Variants in IPCEF1 observed in about 807,000 individuals in gnomAD.
The protein encoded by IPCEF1 is interaction protein for cytohesin exchange factors 1.
A neutral mutation model predicts 50.9 loss-of-function variants in IPCEF1; 31 were observed. That is an observed-to-expected ratio of 0.61 (90% CI 0.46 to 0.82). The LOEUF (loss-of-function observed/expected upper bound fraction) is 0.82. Among genes scored for constraint, IPCEF1 ranks in the 40% least tolerant of loss-of-function variants. IPCEF1 has a pLI of 0.00. For synonymous variants in IPCEF1, 181 were observed against 192.0 expected (o/e 0.94, Z 0.47); for missense variants, 458 against 514.0 (o/e 0.89, Z 1.05).
rs1798687579 is a variant in IPCEF1, at chr6:154,155,762, CAG to C, written c.*4064_*4065del. Reference sequence around the variant, plus strand: ...TGCCACTGCACTCCAGCCTGGGCAACAGAGCAAGACTCTGTCTAAAAAAAGAA... The same window carrying C: ...TGCCACTGCACTCCAGCCTGGGCAACAGCAAGACTCTGTCTAAAAAAAGAA... On this transcript the variant is annotated 3_prime_UTR_variant, in exon 12 of 12. Coordinates refer to ENST00000367220, the MANE Select transcript of IPCEF1 (RefSeq NM_001130700.2). 1 of 151,890 alleles carries C rather than the reference CAG, an allele frequency of 6.6e-6. No homozygotes were observed. Among genetic ancestry groups the C allele is most frequent in the East Asian group, 1.9e-4 (1 of 5,194 alleles). The allele number at this position is 151,890 out of a possible 1,614,324, so 9.4% of individuals were successfully genotyped here.
chr6:154,311,271 C>T (rs1783072351), intron 1 of IPCEF1, among the ~76,000 whole-genome samples: 1 of 152,196 alleles, frequency 6.6e-6, no homozygotes, highest in South Asian at 2.1e-4. Flanking sequence ...CATCCTAATA[C>T]TCTTTTTCTC....
intron 3 of IPCEF1, among the ~76,000 whole-genome samples, chr6:154,261,201 T>C (rs138930481): frequency 1.4e-4 from 21 of 152,206 alleles, no homozygotes; most frequent in African/African-American, 5.1e-4. Flanking sequence ...CGCCTGGCTA[T>C]TTTTTGTAAA....
intron 10 of IPCEF1, among the ~76,000 whole-genome samples, chr6:154,191,786 T>C (rs916214641): frequency 1.6e-4 from 24 of 152,114 alleles, no homozygotes; most frequent in African/African-American, 4.6e-4. Context: ...TTGTAACAAA[T>C]GAACCATACT....
chr6:154,253,997 G>A (rs1270528935), intron 3 of IPCEF1, among the ~76,000 whole-genome samples: 1 of 151,756 alleles, frequency 6.6e-6, no homozygotes, highest in Non-Finnish European at 1.5e-5. Context: ...ACATTTACTG[G>A]GAATTTTGCT....
intron 5 of IPCEF1, among the ~76,000 whole-genome samples, chr6:154,238,930 T>TAA (rs945093954): frequency 1.2e-4 from 17 of 147,436 alleles, no homozygotes; most frequent in Middle Eastern, 6.9e-3. Flanking sequence ...TTGTTTTTTT[T>TAA]AAAAAAAAAA....
intron 10 of IPCEF1, among the ~76,000 whole-genome samples, chr6:154,178,488 G>A (rs1406004154): frequency 1.3e-5 from 2 of 151,742 alleles, no homozygotes; most frequent in Admixed American, 6.6e-5. Flanking sequence ...TAAAAATATC[G>A]AAGGGTATCT....
chr6:154,179,612 C>G (rs975146496), intron 10 of IPCEF1, among the ~76,000 whole-genome samples: 4 of 152,216 alleles, frequency 2.6e-5, no homozygotes, highest in Non-Finnish European at 5.9e-5. Flanking sequence ...CTACATAAAA[C>G]AGCAGGACTT....
intron 2 of IPCEF1, among the ~76,000 whole-genome samples, chr6:154,282,623 C>T (rs1183128960): frequency 3.9e-5 from 6 of 151,928 alleles, no homozygotes; most frequent in Non-Finnish European, 2.9e-5. Context: ...GGAGGCAGAG[C>T]TTGCAGTGAG....
At chr6:154,220,590 C>A (rs142020349) in intron 7 of IPCEF1, among the ~76,000 whole-genome samples, 1 of 152,054 alleles carries the variant, frequency 6.6e-6, no homozygotes, top group East Asian at 1.9e-4. Context: ...TGCAGTGAGC[C>A]GAGATCGCAC....
At chr6:154,180,412 ATATT>A (rs1195706106) in intron 10 of IPCEF1, among the ~76,000 whole-genome samples, 1,071 of 50,782 alleles carry the variant, frequency 0.021, 8 homozygotes, top group Non-Finnish European at 0.03. Context: ...ATATATATAT[ATATT>A]TTTTTTTTAA....
At chr6:154,350,220 T>C in intron 1 of IPCEF1, among the ~76,000 whole-genome samples, 1 of 152,230 alleles carries the variant, frequency 6.6e-6, no homozygotes, top group Non-Finnish European at 1.5e-5. Flanking sequence ...TGGATCAAAG[T>C]TCCATCACAT....
intron 1 of IPCEF1, among the ~76,000 whole-genome samples, chr6:154,337,675 G>C (rs889534139): frequency 5.3e-5 from 8 of 152,170 alleles, no homozygotes; most frequent in Admixed American, 2.0e-4. Context: ...GAAAGGGGAG[G>C]AGGGAGGAAC....
chr6:154,345,014 T>G (rs1783999636), intron 1 of IPCEF1, among the ~76,000 whole-genome samples: 2 of 152,240 alleles, frequency 1.3e-5, no homozygotes, highest in Middle Eastern at 6.8e-3. Context: ...GGACCACAAG[T>G]GCACGCCATC....
At chr6:154,220,571 T>C (rs1051972413) in intron 7 of IPCEF1, among the ~76,000 whole-genome samples, 4 of 152,098 alleles carry the variant, frequency 2.6e-5, no homozygotes, top group Non-Finnish European at 5.9e-5. Flanking sequence ...GAACTCAGGA[T>C]GCAGAGGTTG....
At chr6:154,265,452 T>A (rs1781731993) in intron 3 of IPCEF1, among the ~76,000 whole-genome samples, 1 of 151,502 alleles carries the variant, frequency 6.6e-6, no homozygotes, top group Non-Finnish European at 1.5e-5. Flanking sequence ...AGCTAATTTT[T>A]GTATTTTTAG....
Position 154,238,286 on chromosome 6 carries a change from A to G in IPCEF1, c.246+8305T>C, listed in dbSNP as rs535888661. Among the ~76,000 whole-genome samples, 695 of 152,006 alleles carry G rather than the reference A, an allele frequency of 4.6e-3. 8 individuals carry two copies. Among genetic ancestry groups the G allele is most frequent in the African/African-American group, 0.016 (667 of 41,414 alleles). On this transcript the variant is annotated intron_variant, in intron 5 of 11. Transcript: ENST00000367220. ...TTATTTATTTTTTAGATGGAGTTTCACTCTTGTTGCCCAGGCTAGAGTGCA... is the reference window on the plus strand; with the variant it reads ...TTATTTATTTTTTAGATGGAGTTTCGCTCTTGTTGCCCAGGCTAGAGTGCA...
intron 6 of IPCEF1, 30 bp from the exon 7 acceptor site, chr6:154,221,358 A>T: frequency 6.4e-7 from 1 of 1,574,584 alleles, no homozygotes; most frequent in Non-Finnish European, 8.7e-7. Flanking sequence ...AAACACATAA[A>T]AAATTAGTGT....
In IPCEF1 at chr6:154,154,967, G is replaced by T. The variant is rs1023409246; in HGVS notation, c.*4861C>A. The T allele has an allele frequency of 6.6e-6, 1 of 152,078 alleles. No individual in the cohort carries two copies. Among genetic ancestry groups the T allele is most frequent in the African/African-American group, 2.4e-5 (1 of 41,306 alleles). The allele number at this position is 152,078 out of a possible 1,614,324, so 9.4% of individuals were successfully genotyped here. A position where few individuals can be genotyped will look rare whatever the true frequency, so the allele number is the denominator to read the frequency against. The stretch of plus-strand genomic sequence containing the variant: ...TTAAAACTCCTGGTTTCTATTTTAC[G>T]GCATTTGCTCTTTCCACGAGGCACA... On this transcript the variant is annotated 3_prime_UTR_variant, in exon 12 of 12. Coordinates refer to ENST00000367220, the MANE Select transcript of IPCEF1 (RefSeq NM_001130700.2).
At position 154,295,548 on chromosome 6, in the gene IPCEF1, T is replaced by C. The variant is rs547202807; in HGVS notation, c.-61-5792A>G. ...GCACACACTTTGCTGTGAGCATTGCTTGGGGAACAGAGAGCACAGGGGGTC... is the reference window on the plus strand; with the variant it reads ...GCACACACTTTGCTGTGAGCATTGCCTGGGGAACAGAGAGCACAGGGGGTC... On this transcript the variant is annotated intron_variant, in intron 1 of 11. Transcript: ENST00000367220. Among the ~76,000 whole-genome samples, 34 of 152,158 alleles carry C rather than the reference T, an allele frequency of 2.2e-4. 1 individual carries two copies. In the South Asian group the frequency reaches 5.0e-3, roughly 22 times the overall value.
Sources: allele counts gnomAD v4.1 joint callset (sites outside exome capture counted in the v4.1 genomes callset), GRCh38; gene constraint gnomAD v4.1.1; transcripts MANE v1.5; gene names NCBI Gene and HGNC (gene_info 2026-07-23, HGNC 2026-07-21).